INSL6: variants seen among roughly 807,000 people sequenced by gnomAD.
The protein encoded by INSL6 is insulin-like peptide INSL6.
INSL6 carries 16 observed loss-of-function variants against 9.4 expected under a neutral mutation model. That is an observed-to-expected ratio of 1.70 (90% CI 1.15 to 2.59). The LOEUF (loss-of-function observed/expected upper bound fraction) is 2.59, where lower values mean the gene tolerates loss of function less well. INSL6 is among the 30% of genes most tolerant of loss of function. INSL6 has a pLI of 0.00. For synonymous variants in INSL6, 154 were observed against 96.9 expected (o/e 1.59, Z -3.46); for missense variants, 391 against 257.3 (o/e 1.52, Z -3.56).
chr9:5,096,434 C>A, the INSL6 span, among the ~76,000 whole-genome samples: 3 of 152,152 alleles, frequency 2.0e-5, no homozygotes, highest in African/African-American at 7.2e-5. Context: ...TTCAAACCCA[C>A]AAAAATTTAG....
chr9:5,048,684 T>C, the INSL6 span, among the ~76,000 whole-genome samples: 2 of 152,206 alleles, frequency 1.3e-5, no homozygotes, highest in African/African-American at 4.8e-5. Flanking sequence ...TTTATTTTCT[T>C]ATATGAAAAT....
chr9:5,138,587 G>T (rs1364494390), intron 2 of INSL6, among the ~76,000 whole-genome samples: 1 of 152,088 alleles, frequency 6.6e-6, no homozygotes, highest in Non-Finnish European at 1.5e-5. Flanking sequence ...GTTGGGCAGT[G>T]GGGGGCTAGG....
intron 2 of INSL6, among the ~76,000 whole-genome samples, chr9:5,147,365 G>C (rs1824620525): frequency 6.6e-6 from 1 of 152,122 alleles, no homozygotes; most frequent in Non-Finnish European, 1.5e-5. Context: ...AGGTGCTTAG[G>C]GTTTTTGCTC....
intron 2 of INSL6, among the ~76,000 whole-genome samples, chr9:5,149,308 C>T (rs1429352521): frequency 6.6e-6 from 1 of 152,188 alleles, no homozygotes; most frequent in African/African-American, 2.4e-5. Flanking sequence ...TTCTATTCAC[C>T]TTCAGTGTTT....
chr9:5,075,678 T>C, the INSL6 span, among the ~76,000 whole-genome samples: 5 of 152,172 alleles, frequency 3.3e-5, no homozygotes, highest in Non-Finnish European at 5.9e-5. Context: ...AGAGCTCTGA[T>C]GGAGATGTAC....
the INSL6 span, among the ~76,000 whole-genome samples, chr9:5,067,362 A>G: frequency 2.0e-5 from 3 of 152,176 alleles, no homozygotes; most frequent in African/African-American, 7.2e-5. Context: ...ATCTATGATT[A>G]TATACTATCA....
rs574246082 is a variant in INSL6 at position 5,134,322 on chromosome 9, A to G, written c.377-730T>C. Among the ~76,000 whole-genome samples the G allele has an allele frequency of 2.0e-5, 3 of 152,330 alleles. No individual in the cohort carries two copies. In the South Asian group the frequency reaches 6.2e-4, roughly 32 times the overall value. On this transcript the variant is annotated intron_variant, in intron 2 of 3. Coordinates refer to the INSL6 transcript ENST00000649639. The stretch of plus-strand genomic sequence containing the variant: ...ACCTAGCAAGGCAGGCCAACATTCA[A>G]ATTCAGGAAATATAGAGAACACCAC...
At chr9:5,004,490 A>G in the INSL6 span, among the ~76,000 whole-genome samples, 1 of 152,068 alleles carries the variant, frequency 6.6e-6, no homozygotes, top group African/African-American at 2.4e-5. Flanking sequence ...AGGCTGAATT[A>G]TATTCTATTG....
chr9:5,153,367 G>A (rs1000960352), intron 2 of INSL6, among the ~76,000 whole-genome samples: 16 of 152,166 alleles, frequency 1.1e-4, no homozygotes, highest in East Asian at 3.9e-4. Flanking sequence ...AGGAGCATCC[G>A]CCATTGCTGA....
the INSL6 span, among the ~76,000 whole-genome samples, chr9:5,116,921 A>G: frequency 3.9e-5 from 6 of 152,250 alleles, no homozygotes; most frequent in Admixed American, 2.0e-4. Context: ...TAACAGTACA[A>G]ATAATTCAGC....
At chr9:5,022,233 A>G in the INSL6 span, 3 of 1,559,544 alleles carry the variant, frequency 1.9e-6, no homozygotes, top group East Asian at 4.5e-5. Context: ...AAAAAACAGC[A>G]TTTTCCTTTT....
chr9:5,044,082 G>T, the INSL6 span, among the ~76,000 whole-genome samples: 1 of 152,270 alleles, frequency 6.6e-6, no homozygotes, highest in Admixed American at 6.5e-5. Context: ...AGCATTTTCA[G>T]ATTCCCTACT....
At chr9:5,118,923 A>T (rs1046791363), downstream of INSL6, among the ~76,000 whole-genome samples, 1 of 152,186 alleles carries the variant, frequency 6.6e-6, no homozygotes, top group Admixed American at 6.5e-5. Flanking sequence ...CTGTTTTCTC[A>T]ATTTCTGAAA....
chr9:5,022,125 C>T, the INSL6 span: 5 of 1,613,868 alleles, frequency 3.1e-6, no homozygotes, highest in African/African-American at 1.3e-5. Flanking sequence ...TTTACCATTC[C>T]CTTGGGAAAT....
the INSL6 span, chr9:5,044,544 T>C: frequency 7.6e-7 from 1 of 1,315,396 alleles, no homozygotes; most frequent in Admixed American, 2.1e-5. Context: ...ATCTTACTTG[T>C]ACATGAGTTA....
chr9:5,089,947 T>G, the INSL6 span: 1 of 924,142 alleles, frequency 1.1e-6, no homozygotes. Context: ...GTCTTAACGA[T>G]CTGGACTTAT....
the INSL6 span, chr9:5,029,914 C>T: frequency 2.0e-5 from 32 of 1,572,300 alleles, no homozygotes; most frequent in Non-Finnish European, 2.7e-5. Context: ...AAGGTACTTT[C>T]TTCAGTAAAG....
At chr9:5,108,454 TA>T in the INSL6 span, 1 of 152,154 alleles carries the variant, frequency 6.6e-6, no homozygotes, top group African/African-American at 2.4e-5. Flanking sequence ...AATATGCTAG[TA>T]ATGATATTTA....
chr9:5,112,055 G>A, the INSL6 span: 1 of 406,546 alleles, frequency 2.5e-6, no homozygotes, highest in African/African-American at 2.1e-5. Flanking sequence ...GCTACGACGG[G>A]GGTCTCCACG....
Sources: gnomAD v4.1 joint callset for allele counts (sites outside exome capture counted in the v4.1 genomes callset) on GRCh38, gnomAD v4.1.1 for gene constraint, MANE v1.5 for transcripts, NCBI Gene and HGNC (gene_info 2026-07-23, HGNC 2026-07-21) for gene names.